Variants in PINX1 observed in about 807,000 individuals in gnomAD.
PINX1 encodes the protein PIN2 (TERF1) interacting telomerase inhibitor 1.
Under a neutral mutation model 25.4 loss-of-function variants are expected in PINX1, and 34 were observed. That is an observed-to-expected ratio of 1.34 (90% confidence interval 1.02 to 1.78). The LOEUF is 1.78. PINX1 is among the 40% of genes most tolerant of loss of function. The probability of loss-of-function intolerance (pLI) is 0.00; values close to 1 mark genes in which losing one functional copy is unlikely to be tolerated. For missense variants in PINX1, 592 were observed against 404.9 expected, an observed-to-expected ratio of 1.46 and a Z score of -3.97; for synonymous variants, 197 against 147.7, an observed-to-expected ratio of 1.33 and a Z score of -2.42.
At chr8:10,793,618 T>C (rs1337622896) in intron 6 of PINX1, among the ~76,000 whole-genome samples, 5 of 152,180 alleles carry the variant, frequency 3.3e-5, no homozygotes, top group African/African-American at 7.2e-5. Flanking sequence ...AAGGAATTAA[T>C]GCTAAAGAAA....
chr8:10,838,763 A>G (rs181864398), intron 1 of PINX1, among the ~76,000 whole-genome samples: 10 of 152,332 alleles, frequency 6.6e-5, no homozygotes. Flanking sequence ...AAGAACATAA[A>G]GATACAGAGA....
At chr8:10,799,125 G>C (rs1312335445) in intron 6 of PINX1, among the ~76,000 whole-genome samples, 3 of 149,770 alleles carry the variant, frequency 2.0e-5, no homozygotes, top group South Asian at 2.1e-4. Context: ...TTAAAAAAAG[G>C]TTTTCTAGTT....
intron 6 of PINX1, among the ~76,000 whole-genome samples, chr8:10,797,534 A>C (rs1802125403): frequency 6.6e-6 from 1 of 152,188 alleles, no homozygotes; most frequent in African/African-American, 2.4e-5. Flanking sequence ...AACAGGGCCT[A>C]AGTCATGTAG....
At chr8:10,825,771 T>G (rs1798018950) in intron 5 of PINX1, among the ~76,000 whole-genome samples, 1 of 152,230 alleles carries the variant, frequency 6.6e-6, no homozygotes, top group Non-Finnish European at 1.5e-5. Flanking sequence ...TAAAAGCTAT[T>G]TAACACCAAC....
At chr8:10,766,448 C>G (rs993360796) in intron 6 of PINX1, among the ~76,000 whole-genome samples, 1 of 152,226 alleles carries the variant, frequency 6.6e-6, no homozygotes, top group Non-Finnish European at 1.5e-5. Flanking sequence ...CACCCTGGAA[C>G]CTGGCTTGCC....
intron 6 of PINX1, among the ~76,000 whole-genome samples, chr8:10,777,901 C>T (rs535510294): frequency 6.6e-6 from 1 of 152,286 alleles, no homozygotes; most frequent in East Asian, 1.9e-4. Context: ...GGGTGCCTTC[C>T]ACAGGCACGC....
At chr8:10,832,838 C>G in intron 3 of PINX1, 54 bp downstream of exon 3, 1 of 1,031,898 alleles carries the variant, frequency 9.7e-7, no homozygotes, top group Non-Finnish European at 1.5e-6. Flanking sequence ...TTCAGATTTA[C>G]AAGACTGAAG....
chr8:10,785,257 C>G (rs1252941418), intron 6 of PINX1, among the ~76,000 whole-genome samples: 1 of 152,190 alleles, frequency 6.6e-6, no homozygotes, highest in Non-Finnish European at 1.5e-5. Flanking sequence ...ATCCTACTAA[C>G]TTCAAGCTAA....
chr8:10,786,127 T>C (rs1801740153), intron 6 of PINX1, among the ~76,000 whole-genome samples: 1 of 152,226 alleles, frequency 6.6e-6, no homozygotes, highest in Non-Finnish European at 1.5e-5. Flanking sequence ...TTTTCATCGA[T>C]TCAAAATGCC....
chr8:10,792,003 G>T (rs559394921), intron 6 of PINX1, among the ~76,000 whole-genome samples: 1 of 152,160 alleles, frequency 6.6e-6, no homozygotes, highest in Non-Finnish European at 1.5e-5. Flanking sequence ...TTAACTCTCC[G>T]TGCTGGCCAG....
intron 5 of PINX1, among the ~76,000 whole-genome samples, chr8:10,822,791 A>G (rs1018198776): frequency 1.3e-5 from 2 of 152,204 alleles, no homozygotes; most frequent in East Asian, 1.9e-4. Context: ...AACCAACTCT[A>G]TGGAAAAGCA....
At chr8:10,804,416 T>C (rs533388013) in intron 6 of PINX1, among the ~76,000 whole-genome samples, 2 of 152,242 alleles carry the variant, frequency 1.3e-5, no homozygotes, top group Non-Finnish European at 2.9e-5. Flanking sequence ...GGGAGGTCCG[T>C]ACCAGGAGCC....
chr8:10,805,220 G>A (rs567565478), intron 6 of PINX1, among the ~76,000 whole-genome samples: 7 of 152,304 alleles, frequency 4.6e-5, no homozygotes, highest in Admixed American at 4.6e-4. Context: ...GGCGTGCTTG[G>A]AGGAACCATC....
intron 6 of PINX1, among the ~76,000 whole-genome samples, chr8:10,815,480 T>C (rs1241758533): frequency 2.6e-5 from 4 of 152,216 alleles, no homozygotes; most frequent in African/African-American, 7.2e-5. Flanking sequence ...ACAAAGAAAA[T>C]TTACATTTTA....
At chr8:10,809,746 C>G (rs1479301463) in intron 6 of PINX1, among the ~76,000 whole-genome samples, 2 of 152,262 alleles carry the variant, frequency 1.3e-5, no homozygotes, top group East Asian at 1.9e-4. Context: ...CAAAGCGGCT[C>G]TAAGGAGCTC....
intron 6 of PINX1, among the ~76,000 whole-genome samples, chr8:10,770,541 C>G (rs1475599673): frequency 6.6e-6 from 1 of 152,202 alleles, no homozygotes; most frequent in South Asian, 2.1e-4. Context: ...GACTCTGCAG[C>G]TACATGAGTG....
At chr8:10,767,603 G>C (rs1028182224) in intron 6 of PINX1, among the ~76,000 whole-genome samples, 1 of 152,220 alleles carries the variant, frequency 6.6e-6, no homozygotes, top group Non-Finnish European at 1.5e-5. Context: ...TTCAAATGTT[G>C]AAAAAGAGCT....
intron 6 of PINX1, among the ~76,000 whole-genome samples, chr8:10,778,766 CTATT>C (rs1801492413): frequency 1.3e-5 from 2 of 152,308 alleles, no homozygotes; most frequent in East Asian, 1.9e-4. Flanking sequence ...TTTGAAAGGG[CTATT>C]TAAACAGATA....
intron 6 of PINX1, among the ~76,000 whole-genome samples, chr8:10,813,919 A>T (rs1203929678): frequency 2.6e-5 from 4 of 152,124 alleles, no homozygotes; most frequent in African/African-American, 9.7e-5. Context: ...GAGGAAAAAA[A>T]AAAAGAGTAG....
Sources: gnomAD v4.1 joint callset for allele counts (sites outside exome capture counted in the v4.1 genomes callset) on GRCh38, gnomAD v4.1.1 for gene constraint, MANE v1.5 for transcripts, NCBI Gene and HGNC (gene_info 2026-07-23, HGNC 2026-07-21) for gene names.